The following MRPS9 variants were observed in gnomAD, a reference collection of about 807,000 sequenced individuals.
MRPS9 encodes small ribosomal subunit protein uS9m.
MRPS9 carries 45 observed loss-of-function variants against 59.9 expected under a neutral mutation model. The ratio of observed to expected loss-of-function variants is 0.75; its 90% CI spans 0.59 to 0.96. The LOEUF (loss-of-function observed/expected upper bound fraction) is 0.96. Among genes scored for constraint, MRPS9 ranks in the 40% least tolerant of loss-of-function variants. The pLI is 0.00. For synonymous variants in MRPS9, 171 were observed against 166.8 expected (o/e 1.03, Z -0.19); for missense variants, 473 against 481.1 (o/e 0.98, Z 0.16).
intron 1 of MRPS9, among the ~76,000 whole-genome samples, chr2:105,043,784 A>G (rs7556931): frequency 1 from 151,365 of 151,504 alleles, 75,614 homozygotes; most frequent in Middle Eastern, 1. Flanking sequence ...ACAGGTGCCC[A>G]CCACCACACC....
At position 105,049,229 on chromosome 2, in the gene MRPS9, A is replaced by G; in HGVS notation, c.194A>G (p.Lys65Arg). The change falls in exon 2 of 11, where the codon AAA becomes AGA. Residue 65 changes from lysine to arginine, a missense_variant. Physicochemically the swap from Lys to Arg is conservative, Grantham distance 26. Coordinates refer to ENST00000258455, the MANE Select transcript of MRPS9 (RefSeq NM_182640.3). The stretch of plus-strand genomic sequence containing the variant: ...CCAAAGAAAAACGTTCCTACCTCAA[A>G]ACGTGAAACTTACACAGAGGATTTT... Reference protein sequence around the residue: ...VIPKKNVPTSKRETYTEDFIK... With the variant: ...VIPKKNVPTSRRETYTEDFIK... 2 of 1,613,368 alleles carry G rather than the reference A, an allele frequency of 1.2e-6. No homozygotes were observed. The highest frequency in any genetic ancestry group is 1.7e-6 in the Non-Finnish European group (2 of 1,179,722).
chr2:105,053,754 G>A (rs1485560081), intron 2 of MRPS9, among the ~76,000 whole-genome samples: 1 of 152,096 alleles, frequency 6.6e-6, no homozygotes, highest in Non-Finnish European at 1.5e-5. Flanking sequence ...GATAAGTGGT[G>A]GCAGCTATTC....
chr2:105,070,205 C>T (rs1680088809), intron 2 of MRPS9, among the ~76,000 whole-genome samples: 2 of 152,078 alleles, frequency 1.3e-5, no homozygotes, highest in East Asian at 3.9e-4. Context: ...TAACACCTGG[C>T]CTCATCCTCC....
At position 105,038,069 on chromosome 2, in the gene MRPS9, G is replaced by T. The variant is rs773403318; in HGVS notation, c.-24G>T. Reference sequence around the variant, plus strand: ...CTAGGCCCCGCCCCCTCACCCCTCCGGTCCTGGAGCTCCCACAGCTAACAT... The same window carrying T: ...CTAGGCCCCGCCCCCTCACCCCTCCTGTCCTGGAGCTCCCACAGCTAACAT... On this transcript the variant is annotated 5_prime_UTR_variant, in exon 1 of 11. Transcript: ENST00000258455. 1.8e-5 allele frequency: 29 copies of T among 1,610,738 alleles called. No individual in the cohort carries two copies. The highest frequency in any genetic ancestry group is 2.3e-5 in the Non-Finnish European group (27 of 1,178,924).
intron 5 of MRPS9, among the ~76,000 whole-genome samples, chr2:105,086,159 A>G (rs1680440227): frequency 6.6e-6 from 1 of 152,218 alleles, no homozygotes; most frequent in African/African-American, 2.4e-5. Context: ...ACTATAGGTC[A>G]GGCACTGTGC....
intron 4 of MRPS9, among the ~76,000 whole-genome samples, chr2:105,076,024 G>A (rs1680204388): frequency 1.3e-5 from 2 of 151,958 alleles, no homozygotes; most frequent in Admixed American, 6.6e-5. Context: ...GGCTAAAAAA[G>A]TATGAATTAG....
At position 105,089,024 on chromosome 2, in the gene MRPS9, G is replaced by A. The variant is rs1408066961; in HGVS notation, c.530G>A (p.Ser177Asn). The A allele has an allele frequency of 1.2e-6, 2 of 1,611,600 alleles. No individual in the cohort carries two copies. Among genetic ancestry groups the A allele is most frequent in the Admixed American group, 1.7e-5 (1 of 59,888 alleles). The change falls in exon 6 of 11, where the codon AGT (serine) becomes AAT (asparagine). Residue 177 changes from serine to asparagine, a missense_variant. By Grantham distance (46) the Ser-to-Asn change is conservative (BLOSUM62 1). Transcript: ENST00000258455. ...TTACTCAATTTAGAAAAACATCAAAGTCACTTGCAAGCCAAAAGTCTGCTC... is the reference window on the plus strand; with the variant it reads ...TTACTCAATTTAGAAAAACATCAAAATCACTTGCAAGCCAAAAGTCTGCTC... Reference protein sequence around the residue: ...GMLLNLEKHQSHLQAKSLLPE... With the variant: ...GMLLNLEKHQNHLQAKSLLPE...
chr2:105,062,081 A>G (rs935583323), intron 2 of MRPS9, among the ~76,000 whole-genome samples: 7 of 152,182 alleles, frequency 4.6e-5, no homozygotes, highest in Admixed American at 4.6e-4. Context: ...TGATTGGGAA[A>G]GTGAAGGCTT....
chr2:105,069,377 G>A (rs1264784880), intron 2 of MRPS9, among the ~76,000 whole-genome samples: 1 of 152,030 alleles, frequency 6.6e-6, no homozygotes, highest in Non-Finnish European at 1.5e-5. Context: ...ACCATGCCCA[G>A]CTAATTTTTG....
intron 1 of MRPS9, 140 bp downstream of exon 1, chr2:105,038,367 G>A (rs1171364863): frequency 7.0e-6 from 8 of 1,147,384 alleles, no homozygotes; most frequent in Non-Finnish European, 9.7e-6. Context: ...GTCTGAGGTT[G>A]GGGGGGAGGA....
intron 2 of MRPS9, among the ~76,000 whole-genome samples, chr2:105,053,937 C>T (rs2104443987): frequency 6.6e-6 from 1 of 152,176 alleles, no homozygotes; most frequent in South Asian, 2.1e-4. Flanking sequence ...TATATAGACT[C>T]TTCTAAAATG....
intron 2 of MRPS9, among the ~76,000 whole-genome samples, chr2:105,053,004 C>G (rs974339535): frequency 1.3e-5 from 2 of 152,202 alleles, no homozygotes; most frequent in Non-Finnish European, 2.9e-5. Flanking sequence ...TCAGGCCATC[C>G]TCTGACCTTG....
intron 1 of MRPS9, among the ~76,000 whole-genome samples, chr2:105,045,351 T>TGC (rs1322961162): frequency 4.0e-5 from 6 of 151,272 alleles, no homozygotes; most frequent in African/African-American, 1.2e-4. Context: ...CTTTTTTTTT[T>TGC]TTCATATAGC....
At chr2:105,086,037 TTA>T (rs1680438522) in intron 5 of MRPS9, among the ~76,000 whole-genome samples, 3 of 152,176 alleles carry the variant, frequency 2.0e-5, no homozygotes, top group South Asian at 2.1e-4. Context: ...AGGTAGAATC[TTA>T]AGAGTGGTTT....
At chr2:105,067,963 G>A (rs184521324) in intron 2 of MRPS9, among the ~76,000 whole-genome samples, 204 of 152,280 alleles carry the variant, frequency 1.3e-3, no homozygotes, top group African/African-American at 4.6e-3. Flanking sequence ...GAGTAGCTGG[G>A]ACTACAGTCA....
intron 2 of MRPS9, among the ~76,000 whole-genome samples, chr2:105,051,085 A>G (rs991891912): frequency 2.0e-4 from 31 of 152,124 alleles, no homozygotes; most frequent in Admixed American, 1.3e-4. Flanking sequence ...ATATGTTTTT[A>G]TTTCTCTTAT....
intron 1 of MRPS9, among the ~76,000 whole-genome samples, chr2:105,044,158 ACTC>A (rs1319280431): frequency 6.7e-6 from 1 of 149,948 alleles, no homozygotes; most frequent in Admixed American, 6.6e-5. Flanking sequence ...CTAGTGTCGA[ACTC>A]CTGACAGTTG....
At chr2:105,095,167 TAG>T (rs1193997590) in intron 9 of MRPS9, among the ~76,000 whole-genome samples, 2 of 152,168 alleles carry the variant, frequency 1.3e-5, no homozygotes, top group Admixed American at 1.3e-4. Context: ...CATTGACTAA[TAG>T]GAAGACTAAC....
At position 105,079,241 on chromosome 2, in the gene MRPS9, T is replaced by A. The variant is rs144147553; in HGVS notation, c.410-742T>A. Among the ~76,000 whole-genome samples, 58 of 152,328 alleles carry A rather than the reference T, an allele frequency of 3.8e-4. No individual in the cohort carries two copies. In the East Asian group the frequency reaches 0.011, roughly 29 times the overall value. ...GGAAAATAGTTTACAACTTCTGTAA[T>A]GGACCAGGAAGTATAATCTGCTTCA... On this transcript the variant is annotated intron_variant, in intron 4 of 10. Transcript: ENST00000258455.
Sources: allele counts gnomAD v4.1 joint callset (sites outside exome capture counted in the v4.1 genomes callset), GRCh38; gene constraint gnomAD v4.1.1; transcripts MANE v1.5; gene names NCBI Gene and HGNC (gene_info 2026-07-23, HGNC 2026-07-21).